The following GIPC1 variants were observed in gnomAD, a reference collection of about 807,000 sequenced individuals.
The protein encoded by GIPC1 is GIPC PDZ domain containing family member 1, also known as PDZ domain-containing protein GIPC1.
Under a neutral mutation model 28.5 loss-of-function variants are expected in GIPC1, and 15 were observed. The ratio of observed to expected loss-of-function variants is 0.53; its 90% CI spans 0.35 to 0.81. The LOEUF is 0.81. GIPC1 is among the 30% of genes least tolerant of loss of function. The pLI is 0.01. For missense variants in GIPC1, 439 were observed against 481.9 expected (o/e 0.91, Z 0.83); for synonymous variants, 224 against 206.1 (o/e 1.09, Z -0.74).
intron 2 of GIPC1, among the ~76,000 whole-genome samples, chr19:14,492,323 T>C (rs2071990711): frequency 6.6e-6 from 1 of 151,790 alleles, no homozygotes; most frequent in Non-Finnish European, 1.5e-5. Context: ...GTTTTTTTTT[T>C]TGAGACGGAG....
intron 3 of GIPC1, among the ~76,000 whole-genome samples, chr19:14,487,738 G>A (rs1345852550): frequency 6.9e-6 from 1 of 145,794 alleles, no homozygotes; most frequent in Non-Finnish European, 1.5e-5. Context: ...GTGCAGTGGT[G>A]CAATCAGAGC....
intron 6 of GIPC1, 121 bp downstream of exon 6, chr19:14,480,184 T>C (rs567889372): frequency 2.4e-6 from 2 of 825,414 alleles, no homozygotes; most frequent in East Asian, 5.2e-5. Flanking sequence ...CCCTTCCCTT[T>C]CTGCAACCCC....
chr19:14,479,668 C>T (rs552265573), intron 6 of GIPC1, 144 bp from the exon 7 acceptor site: 258 of 465,712 alleles, frequency 5.5e-4, no homozygotes, highest in Non-Finnish European at 7.1e-4. Flanking sequence ...CCGGGGTGAT[C>T]CCAGGAGGGC....
Position 14,480,273 on chromosome 19 carries a change from C to T in GIPC1, c.655+32G>A, listed in dbSNP as rs369098498. The stretch of plus-strand genomic sequence containing the variant: ...ACCGCCTGCGCCCATGCGAGCAGCG[C>T]CACTGGGGAGGTCCAGGGGGCGGCT... On this transcript the variant is annotated intron_variant, in intron 6 of 8. Coordinates refer to ENST00000393033, the MANE Select transcript of GIPC1 (RefSeq NM_005716.4). The T allele has an allele frequency of 4.9e-4, 778 of 1,589,138 alleles. 4 individuals carry two copies. Among genetic ancestry groups the T allele is most frequent in the Middle Eastern group, 3.6e-3 (16 of 4,410 alleles).
At chr19:14,479,621 A>G (rs45621333) in intron 6 of GIPC1, 97 bp from the exon 7 acceptor site, 38,999 of 577,892 alleles carry the variant, frequency 0.067, 1,534 homozygotes, top group African/African-American at 0.1. Context: ...ACCACCCCAA[A>G]CTTCTCCAGG....
At position 14,479,430 on chromosome 19, in the gene GIPC1, G is replaced by A. The variant is rs545362141; in HGVS notation, c.750C>T (p.Pro250=). The change falls in exon 7 of 9, where the codon CCC becomes CCT. Residue 250 remains proline (P), a synonymous_variant. Transcript: ENST00000393033. ...CACTCACCAGATCCTCCACCGTGGCGGGGCCCCGGGATCGGAGCCGCAGGG... is the reference window on the plus strand; with the variant it reads ...CACTCACCAGATCCTCCACCGTGGCAGGGCCCCGGGATCGGAGCCGCAGGG... ...RGTLRLRSRG[P]ATVEDLPSAF... is the part of the protein sequence containing the mutation. 2.5e-5 allele frequency: 35 copies of A among 1,412,062 alleles called. No individual in the cohort carries two copies. The South Asian group carries it at 2.9e-4, about 12-fold the overall frequency. The allele number at this position is 1,412,062 out of a possible 1,614,324, so 87.5% of individuals were successfully genotyped here.
At chr19:14,484,414 G>A (rs1375894933) in intron 3 of GIPC1, among the ~76,000 whole-genome samples, 1 of 151,332 alleles carries the variant, frequency 6.6e-6, no homozygotes, top group Admixed American at 6.6e-5. Flanking sequence ...GGGATTAAAA[G>A]CGTGAACCAC....
chr19:14,489,759 G>T, intron 3 of GIPC1: 1 of 636,066 alleles, frequency 1.6e-6, no homozygotes, highest in South Asian at 1.9e-5. Flanking sequence ...TGTTTTTTCA[G>T]ATGTTCTGAA....
intron 3 of GIPC1, chr19:14,489,749 T>C (rs2071925534): frequency 1.5e-6 from 1 of 653,024 alleles, no homozygotes; most frequent in South Asian, 1.9e-5. Context: ...TAGTCAAAAA[T>C]GTTTTTTCAG....
In GIPC1 at chr19:14,482,830, G is replaced by T. The variant is rs377490203; in HGVS notation, c.147C>A (p.Pro49=). The T allele has an allele frequency of 3.6e-3, 5,673 of 1,579,788 alleles. 205 individuals are homozygous for T. In the South Asian group the frequency reaches 0.06, roughly 17 times the overall value. The change falls in exon 4 of 9, where the codon CCC becomes CCA. Residue 49 remains proline, a synonymous_variant. Coordinates refer to ENST00000393033, the MANE Select transcript of GIPC1 (RefSeq NM_005716.4). ...GSGGPQMGLP[P]PPPALRPRLV... is the part of the protein sequence containing the mutation. ...GGCGGGGCCGCAGGGCTGGGGGAGG[G>T]GGGGGCAAGCCCATTTGGGGGCCCC... is the stretch of plus-strand genomic sequence containing the variant.
intron 6 of GIPC1, 59 bp from the exon 7 acceptor site, chr19:14,479,583 C>G: frequency 1.1e-6 from 1 of 870,052 alleles, no homozygotes; most frequent in Non-Finnish European, 1.7e-6. Flanking sequence ...ACGTTCTGGG[C>G]AGGAACTTGT....
At chr19:14,480,207 A>AACCCCTTCCCTTTC in intron 6 of GIPC1, 98 bp downstream of exon 6, 1 of 1,027,864 alleles carries the variant, frequency 9.7e-7, no homozygotes, top group Non-Finnish European at 1.5e-6. Context: ...CCCTTTCGGC[A>AACCCCTTCCCTTTC]GGCCAGGCTT....
In GIPC1 at chr19:14,479,467, G is replaced by C. The variant is rs45458894; in HGVS notation, c.713C>G (p.Thr238Ser). The C allele has an allele frequency of 0.073, 104,624 of 1,435,028 alleles. 4,123 individuals carry two copies. Among genetic ancestry groups the C allele is most frequent in the African/African-American group, 0.1 (6,669 of 66,570 alleles). The allele number at this position is 1,435,028 out of a possible 1,614,324, so 88.9% of individuals were successfully genotyped here. The change falls in exon 7 of 9, where the codon ACT becomes AGT. Residue 238 changes from threonine to serine, a missense_variant. By Grantham distance (58) the Thr-to-Ser change is moderately conservative. Coordinates refer to ENST00000393033, the MANE Select transcript of GIPC1 (RefSeq NM_005716.4). ...TCGGAGCCGCAGGGTCCCTCGGCCAGTGCCCAGTTGTGGGCCAGAGCCAGG... is the reference window on the plus strand; with the variant it reads ...TCGGAGCCGCAGGGTCCCTCGGCCACTGCCCAGTTGTGGGCCAGAGCCAGG... ...GRPGSGPQLGTGRGTLRLRSR... is the reference protein window; with the variant it reads ...GRPGSGPQLGSGRGTLRLRSR...
rs1273901968 is a variant in GIPC1 at position 14,496,121 on chromosome 19, C to G, written c.-259G>C. ...CACCCGGCTCGGCCCTCCGCAAACT[C>G]CAGACCGGGCCTCTCCCGCAGCGGC... is the stretch of plus-strand genomic sequence containing the variant. On this transcript the variant is annotated 5_prime_UTR_variant, in exon 1 of 9. Transcript: ENST00000393033. The G allele has an allele frequency of 5.1e-6, 1 of 194,652 alleles. No individual in the cohort carries two copies. The highest frequency in any genetic ancestry group is 2.4e-5 in the African/African-American group (1 of 41,712). The allele number at this position is 194,652 out of a possible 1,614,324, so 12.1% of individuals were successfully genotyped here.
chr19:14,495,721 A>G (rs1202995347), intron 1 of GIPC1, among the ~76,000 whole-genome samples: 1 of 152,058 alleles, frequency 6.6e-6, no homozygotes, highest in Non-Finnish European at 1.5e-5. Flanking sequence ...AAAGGGTCAG[A>G]AACACTGACC....
At chr19:14,483,987 T>C (rs1385035882) in intron 3 of GIPC1, among the ~76,000 whole-genome samples, 1 of 151,902 alleles carries the variant, frequency 6.6e-6, no homozygotes, top group Non-Finnish European at 1.5e-5. Flanking sequence ...GCACATGCCA[T>C]GAAGCTCAGC....
At chr19:14,480,235 C>T in intron 6 of GIPC1, 70 bp downstream of exon 6, 8 of 1,396,684 alleles carry the variant, frequency 5.7e-6, no homozygotes, top group Middle Eastern at 2.5e-4. Flanking sequence ...ACCTGCTGGC[C>T]GCTCCCGGCA....
At chr19:14,487,685 CTTTTT>C (rs34048955) in intron 3 of GIPC1, among the ~76,000 whole-genome samples, 2 of 130,454 alleles carry the variant, frequency 1.5e-5, no homozygotes, top group African/African-American at 3.1e-5. Context: ...CTTTATTTTC[CTTTTT>C]TTTTTTGACA....
chr19:14,490,769 C>G (rs1455457671), intron 3 of GIPC1, among the ~76,000 whole-genome samples: 1 of 149,108 alleles, frequency 6.7e-6, no homozygotes, highest in Admixed American at 6.7e-5. Context: ...GTCAGGAGAT[C>G]GAGACCATCC....
Sources: allele counts gnomAD v4.1 joint callset (sites outside exome capture counted in the v4.1 genomes callset), GRCh38; gene constraint gnomAD v4.1.1; transcripts MANE v1.5; gene names NCBI Gene and HGNC (gene_info 2026-07-23, HGNC 2026-07-21).